The following ROR1 variants were observed in gnomAD, a reference collection of about 807,000 sequenced individuals.
ROR1 encodes the protein ROR family WNT receptor 1, also known as inactive tyrosine-protein kinase transmembrane receptor ROR1.
A neutral mutation model predicts 78.8 loss-of-function variants in ROR1; 19 were observed. That is an observed-to-expected ratio of 0.24 (90% CI 0.17 to 0.35). The LOEUF (loss-of-function observed/expected upper bound fraction) is 0.35. ROR1 is among the 10% of genes least tolerant of loss of function. The pLI is 1.00. For missense variants in ROR1, 917 were observed against 1,177.8 expected (o/e 0.78, Z 3.24); for synonymous variants, 386 against 433.6 (o/e 0.89, Z 1.36).
In ROR1 at chr1:63,845,491, C is replaced by T. The variant is rs771050660; in HGVS notation, c.91+70983C>T. 1.8e-3 allele frequency among the ~76,000 whole-genome samples: 276 copies of T among 152,168 alleles called. 2 individuals are homozygous for T. The highest frequency in any genetic ancestry group is 1.1e-3 in the Non-Finnish European group (75 of 68,030). On this transcript the variant is annotated intron_variant, in intron 1 of 8. Coordinates refer to ENST00000371079, the MANE Select transcript of ROR1 (RefSeq NM_005012.4). ...TCCTTGGCTTTGTGTCTTTGCTTCT[C>T]TTTCTCTTTCAATGAATGAGGTCAT...
chr1:64,056,284 T>A (rs2100599472), intron 4 of ROR1, among the ~76,000 whole-genome samples: 1 of 152,280 alleles, frequency 6.6e-6, no homozygotes, highest in Non-Finnish European at 1.5e-5. Context: ...CATTTTGTAT[T>A]TGCAGAAGGA....
intron 1 of ROR1, among the ~76,000 whole-genome samples, chr1:63,878,929 A>G (rs1250698834): frequency 6.6e-6 from 1 of 152,090 alleles, no homozygotes; most frequent in Non-Finnish European, 1.5e-5. Flanking sequence ...CTGAGCCTCC[A>G]TTTGTTGAAT....
At chr1:63,908,164 AT>A (rs1440629851) in intron 1 of ROR1, among the ~76,000 whole-genome samples, 2 of 152,200 alleles carry the variant, frequency 1.3e-5, no homozygotes, top group Admixed American at 1.3e-4. Flanking sequence ...ATTTGCTGAG[AT>A]CATATAGCCA....
intron 7 of ROR1, 106 bp downstream of exon 7, chr1:64,142,756 G>A: frequency 1.3e-6 from 2 of 1,507,516 alleles, no homozygotes; most frequent in South Asian, 1.3e-5. Context: ...AAAATGGACA[G>A]TATTTGCTTG....
intron 2 of ROR1, among the ~76,000 whole-genome samples, chr1:64,034,751 TGTAA>T (rs1275879355): frequency 1.3e-5 from 2 of 152,194 alleles, no homozygotes; most frequent in African/African-American, 2.4e-5. Context: ...TGTGTTTTAT[TGTAA>T]GTTTCTGTTC....
chr1:63,944,027 T>C (rs114312078), intron 1 of ROR1, among the ~76,000 whole-genome samples: 51 of 152,272 alleles, frequency 3.3e-4, no homozygotes, highest in African/African-American at 1.2e-3. Flanking sequence ...AGAGATTATA[T>C]TGATTTGTGA....
At chr1:63,983,848 CCA>C (rs1315424877) in intron 1 of ROR1, among the ~76,000 whole-genome samples, 1 of 152,128 alleles carries the variant, frequency 6.6e-6, no homozygotes, top group Non-Finnish European at 1.5e-5. Flanking sequence ...TTTCTCAGAG[CCA>C]CAGTTTCCTT....
chr1:63,895,581 G>C (rs1011720036), intron 1 of ROR1, among the ~76,000 whole-genome samples: 1 of 151,270 alleles, frequency 6.6e-6, no homozygotes, highest in East Asian at 1.9e-4. Flanking sequence ...CACACATCTC[G>C]ATTAGGTACC....
At chr1:63,862,391 CAAAAAAAAAAAA>C (rs1164915396) in intron 1 of ROR1, among the ~76,000 whole-genome samples, 6 of 56,822 alleles carry the variant, frequency 1.1e-4, no homozygotes, top group Middle Eastern at 8.5e-3. Context: ...GAGACTGTCT[CAAAAAAAAAAAA>C]AAAAAAAAAA....
intron 1 of ROR1, among the ~76,000 whole-genome samples, chr1:63,788,073 C>T (rs913711422): frequency 6.6e-6 from 1 of 152,206 alleles, no homozygotes; most frequent in Non-Finnish European, 1.5e-5. Flanking sequence ...GCCTGCCAAT[C>T]TCTTTTCCAC....
At chr1:63,868,459 A>T (rs192641608) in intron 1 of ROR1, among the ~76,000 whole-genome samples, 1 of 152,264 alleles carries the variant, frequency 6.6e-6, no homozygotes, top group East Asian at 1.9e-4. Context: ...AGTCTGATAG[A>T]CCTGGGATCA....
At chr1:63,864,456 T>C (rs1316021586) in intron 1 of ROR1, among the ~76,000 whole-genome samples, 1 of 152,190 alleles carries the variant, frequency 6.6e-6, no homozygotes, top group Non-Finnish European at 1.5e-5. Flanking sequence ...AGGTGACTCA[T>C]GAACCCTTGG....
chr1:63,847,203 T>C (rs1215390593), intron 1 of ROR1, among the ~76,000 whole-genome samples: 1 of 152,150 alleles, frequency 6.6e-6, no homozygotes, highest in Admixed American at 6.5e-5. Context: ...CTTGGTGTTG[T>C]GGGTTTCTAG....
Position 64,177,811 on chromosome 1 carries a change from A to G in ROR1, c.1770A>G (p.Gly590=). The change falls in exon 9 of 9, where the codon GGA becomes GGG. Residue 590 remains glycine (G), a synonymous_variant. Coordinates refer to ENST00000371079, the MANE Select transcript of ROR1 (RefSeq NM_005012.4). ...DGTVKSSLDH[G]DFLHIAIQIA... ...CTGTGAAATCCAGCCTGGACCACGG[A>G]GATTTTCTGCACATTGCAATTCAGA... The G allele has an allele frequency of 6.2e-7, 1 of 1,614,186 alleles. No homozygotes were observed. The highest frequency in any genetic ancestry group is 1.3e-5 in the African/African-American group (1 of 75,058).
intron 1 of ROR1, among the ~76,000 whole-genome samples, chr1:63,916,850 A>C (rs552669178): frequency 3.9e-5 from 6 of 152,248 alleles, no homozygotes; most frequent in African/African-American, 1.2e-4. Context: ...GTAAAGAGCA[A>C]AACCCTCAAT....
At chr1:64,142,316 C>A in intron 6 of ROR1, 89 bp from the exon 7 acceptor site, 2 of 1,543,620 alleles carry the variant, frequency 1.3e-6, no homozygotes, top group South Asian at 1.2e-5. Flanking sequence ...TAATTACCTG[C>A]CCTCCCCTCC....
chr1:63,844,240 A>G lies in ROR1; in HGVS notation c.91+69732A>G, dbSNP rs185599434. ...TCCACTCTCTGCCTCGCACTTTAAG[A>G]TCTGGCTACATGGTTTTCTGCTGAC... On this transcript the variant is annotated intron_variant, in intron 1 of 8. Coordinates refer to ENST00000371079, the MANE Select transcript of ROR1 (RefSeq NM_005012.4). Among the ~76,000 whole-genome samples the G allele has an allele frequency of 1.2e-4, 19 of 152,260 alleles. 1 individual carries two copies. The East Asian group carries it at 3.7e-3, about 29-fold the overall frequency.
Position 64,071,526 on chromosome 1 carries a change from G to A in ROR1, c.482+20810G>A, listed in dbSNP as rs561874069. Among the ~76,000 whole-genome samples the A allele has an allele frequency of 1.4e-4, 21 of 152,010 alleles. No homozygotes were observed. In the South Asian group the frequency reaches 2.7e-3, roughly 20 times the overall value. The stretch of plus-strand genomic sequence containing the variant: ...ATGCCTAACTGCTTAGAACAGAGGC[G>A]GTGATCAACTCATGTCCCGTTCTGG... On this transcript the variant is annotated intron_variant, in intron 4 of 8. Transcript: ENST00000371079.
intron 1 of ROR1, among the ~76,000 whole-genome samples, chr1:63,841,273 G>A (rs182938119): frequency 1.6e-4 from 24 of 152,254 alleles, no homozygotes; most frequent in Admixed American, 3.9e-4. Context: ...ACTAAATTCC[G>A]GTCTGGTGTA....
Sources: gnomAD v4.1 joint callset for allele counts (sites outside exome capture counted in the v4.1 genomes callset) on GRCh38, gnomAD v4.1.1 for gene constraint, MANE v1.5 for transcripts, NCBI Gene and HGNC (gene_info 2026-07-23, HGNC 2026-07-21) for gene names.